C8orf34: variants seen among roughly 807,000 people sequenced by gnomAD.
C8orf34 encodes uncharacterized protein C8orf34.
Under a neutral mutation model 68.3 loss-of-function variants are expected in C8orf34, and 65 were observed. That is an observed-to-expected ratio of 0.95 (90% CI 0.78 to 1.17). C8orf34 has a LOEUF of 1.17. Among genes scored for constraint, C8orf34 ranks in the 50% most tolerant of loss-of-function variants. C8orf34 has a pLI of 0.00. For synonymous variants in C8orf34, 244 were observed against 241.2 expected (o/e 1.01, Z -0.11); for missense variants, 664 against 655.4 (o/e 1.01, Z -0.14).
chr8:68,516,186 G>T (rs1232470735), intron 5 of C8orf34, among the ~76,000 whole-genome samples: 1 of 152,150 alleles, frequency 6.6e-6, no homozygotes, highest in Non-Finnish European at 1.5e-5. Context: ...ATTAATCAGT[G>T]TTGTCTGGGA....
At chr8:68,595,349 T>G (rs888671672) in intron 7 of C8orf34, among the ~76,000 whole-genome samples, 1 of 152,056 alleles carries the variant, frequency 6.6e-6, no homozygotes, top group Non-Finnish European at 1.5e-5. Context: ...TTTTAAAATT[T>G]TCCCCTTGCA....
chr8:68,528,121 C>G (rs1339232507), intron 6 of C8orf34, among the ~76,000 whole-genome samples: 1 of 152,188 alleles, frequency 6.6e-6, no homozygotes, highest in Non-Finnish European at 1.5e-5. Context: ...TAACTCTCCC[C>G]AGTAGCTTTG....
chr8:68,511,389 A>G (rs1563496809), intron 5 of C8orf34, among the ~76,000 whole-genome samples: 1 of 152,174 alleles, frequency 6.6e-6, no homozygotes, highest in East Asian at 1.9e-4. Context: ...TCCACTGGCT[A>G]TTTTAAAGAG....
chr8:68,658,621 T>C (rs1819580693), intron 8 of C8orf34, among the ~76,000 whole-genome samples: 1 of 152,180 alleles, frequency 6.6e-6, no homozygotes, highest in African/African-American at 2.4e-5. Flanking sequence ...GACATATTCA[T>C]TCTTTTCTCT....
chr8:68,808,534 C>T (rs778432951), intron 12 of C8orf34, among the ~76,000 whole-genome samples: 4 of 150,522 alleles, frequency 2.7e-5, no homozygotes, highest in Middle Eastern at 3.4e-3. Flanking sequence ...GCAGATTCAA[C>T]CAACCGTAGA....
intron 7 of C8orf34, among the ~76,000 whole-genome samples, chr8:68,603,912 A>T (rs1817778988): frequency 6.6e-6 from 1 of 152,168 alleles, no homozygotes. Flanking sequence ...CATGGTCTAA[A>T]ATTTACAGAA....
chr8:68,703,853 T>C (rs1385657343), intron 8 of C8orf34, among the ~76,000 whole-genome samples: 1 of 152,100 alleles, frequency 6.6e-6, no homozygotes, highest in Non-Finnish European at 1.5e-5. Context: ...CATAAGCCTC[T>C]GCCTCACACC....
intron 9 of C8orf34, among the ~76,000 whole-genome samples, chr8:68,715,459 T>C (rs1821444505): frequency 6.6e-6 from 1 of 151,926 alleles, no homozygotes; most frequent in Non-Finnish European, 1.5e-5. Flanking sequence ...AAAAGTGGGC[T>C]AAGGACACGA....
At chr8:68,790,144 A>G (rs1006702723) in intron 12 of C8orf34, among the ~76,000 whole-genome samples, 2 of 152,230 alleles carry the variant, frequency 1.3e-5, no homozygotes, top group African/African-American at 2.4e-5. Context: ...ACATGTATAC[A>G]TTGGAGCCAC....
intron 8 of C8orf34, among the ~76,000 whole-genome samples, chr8:68,661,835 G>A (rs1041451136): frequency 4.6e-5 from 7 of 151,992 alleles, no homozygotes; most frequent in Non-Finnish European, 1.0e-4. Flanking sequence ...AAAGCAAGCT[G>A]GCTAATTCCT....
At chr8:68,555,204 C>T (rs1816214051) in intron 7 of C8orf34, among the ~76,000 whole-genome samples, 1 of 152,112 alleles carries the variant, frequency 6.6e-6, no homozygotes, top group Non-Finnish European at 1.5e-5. Flanking sequence ...GTTTCAGCCT[C>T]TCAAGTTCAT....
intron 7 of C8orf34, among the ~76,000 whole-genome samples, chr8:68,634,730 G>C (rs1818787204): frequency 6.6e-6 from 1 of 152,050 alleles, no homozygotes; most frequent in Non-Finnish European, 1.5e-5. Context: ...TCACCTTTTA[G>C]AGCTTGGTAA....
At chr8:68,766,608 A>G (rs1289442672) in intron 10 of C8orf34, among the ~76,000 whole-genome samples, 1 of 152,210 alleles carries the variant, frequency 6.6e-6, no homozygotes, top group African/African-American at 2.4e-5. Context: ...AAGGAATACC[A>G]CTTTATCTAG....
At chr8:68,607,220 G>A (rs1468327038) in intron 7 of C8orf34, among the ~76,000 whole-genome samples, 1 of 152,038 alleles carries the variant, frequency 6.6e-6, no homozygotes, top group Non-Finnish European at 1.5e-5. Context: ...ATGTTTCCCT[G>A]CAATGAATAA....
intron 7 of C8orf34, among the ~76,000 whole-genome samples, chr8:68,550,191 A>G (rs574951939): frequency 7.9e-4 from 120 of 151,454 alleles, no homozygotes; most frequent in Non-Finnish European, 8.3e-4. Context: ...TTCTGCCTTT[A>G]TGGTTTTAAC....
intron 5 of C8orf34, among the ~76,000 whole-genome samples, chr8:68,507,909 T>C (rs1186967445): frequency 1.3e-5 from 2 of 152,242 alleles, no homozygotes; most frequent in Non-Finnish European, 2.9e-5. Flanking sequence ...ACTGGTAGTT[T>C]AGGTGTTGTG....
At chr8:68,512,546 T>C (rs1337712554) in intron 5 of C8orf34, among the ~76,000 whole-genome samples, 2 of 152,152 alleles carry the variant, frequency 1.3e-5, no homozygotes, top group Non-Finnish European at 2.9e-5. Context: ...TCATAAATTA[T>C]TTATTTTGCC....
intron 12 of C8orf34, among the ~76,000 whole-genome samples, chr8:68,797,382 A>G (rs528496064): frequency 6.6e-6 from 1 of 152,154 alleles, no homozygotes; most frequent in South Asian, 2.1e-4. Flanking sequence ...GCTCAGTCCT[A>G]TTCATTTTCA....
At chr8:68,719,909 T>C (rs1211286201) in intron 9 of C8orf34, among the ~76,000 whole-genome samples, 2 of 151,950 alleles carry the variant, frequency 1.3e-5, no homozygotes, top group Non-Finnish European at 2.9e-5. Flanking sequence ...TATAGTAGCA[T>C]TTGCTCACAG....
Sources: gnomAD v4.1 joint callset for allele counts (sites outside exome capture counted in the v4.1 genomes callset) on GRCh38, gnomAD v4.1.1 for gene constraint, MANE v1.5 for transcripts, NCBI Gene and HGNC (gene_info 2026-07-23, HGNC 2026-07-21) for gene names.